CDK14: variants seen among roughly 807,000 people sequenced by gnomAD.
The protein encoded by CDK14 is cyclin-dependent kinase 14.
In CDK14, 34 loss-of-function variants were observed where a neutral mutation model predicts 60.7. That is an observed-to-expected ratio of 0.56 (90% CI 0.43 to 0.75). The LOEUF (loss-of-function observed/expected upper bound fraction) is 0.75. Among genes scored for constraint, CDK14 ranks in the 30% least tolerant of loss-of-function variants. The pLI is 0.00. For synonymous variants in CDK14, 197 were observed against 203.7 expected, an observed-to-expected ratio of 0.97 and a Z score of 0.28; for missense variants, 482 against 564.1, an observed-to-expected ratio of 0.85 and a Z score of 1.47.
intron 6 of CDK14, among the ~76,000 whole-genome samples, chr7:90,867,561 T>G (rs1178086987): frequency 3.3e-5 from 5 of 152,152 alleles, no homozygotes; most frequent in African/African-American, 1.2e-4. Flanking sequence ...TTTCATTACA[T>G]ATTTAATAAT....
chr7:90,969,481 C>T (rs912762732), intron 9 of CDK14, among the ~76,000 whole-genome samples: 1 of 152,066 alleles, frequency 6.6e-6, no homozygotes, highest in African/African-American at 2.4e-5. Context: ...AGATAATTAC[C>T]CATGAATAAA....
At chr7:90,957,336 T>A (rs1435327340) in intron 9 of CDK14, among the ~76,000 whole-genome samples, 1 of 152,146 alleles carries the variant, frequency 6.6e-6, no homozygotes, top group African/African-American at 2.4e-5. Flanking sequence ...ATCTCATTGT[T>A]GGAAGTTCTG....
At position 90,596,686 on chromosome 7, in the gene CDK14, G is replaced by A. The variant is rs778036398; in HGVS notation, c.59G>A (p.Arg20Gln). 6.2e-7 allele frequency: 1 copy of A among 1,612,044 alleles called. No homozygotes were observed. Among genetic ancestry groups the A allele is most frequent in the Non-Finnish European group, 8.5e-7 (1 of 1,179,364 alleles). Residue 20 changes from arginine (R) to glutamine (Q), a missense_variant, in exon 1 of 15, where the codon CGG becomes CAG. Physicochemically the swap from Arg to Gln is conservative, Grantham distance 43. Coordinates refer to ENST00000380050, the MANE Select transcript of CDK14 (RefSeq NM_001287135.2). Reference protein sequence around the residue: ...AEKIGKMKKLRRTLSESFSRI... With the variant: ...AEKIGKMKKLQRTLSESFSRI... ...AAGATCGGCAAGATGAAGAAGTTGC[G>A]GAGAACTTTGTCGGAGAGTTTCAGT...
intron 2 of CDK14, among the ~76,000 whole-genome samples, chr7:90,611,663 C>A (rs1231855363): frequency 6.6e-6 from 1 of 152,142 alleles, no homozygotes; most frequent in Non-Finnish European, 1.5e-5. Flanking sequence ...CTACGACTTG[C>A]CTCCTGCTCC....
chr7:91,185,815 G>C (rs1438956254), intron 14 of CDK14, among the ~76,000 whole-genome samples: 1 of 151,972 alleles, frequency 6.6e-6, no homozygotes, highest in African/African-American at 2.4e-5. Context: ...ACAGAGTTGT[G>C]CAAACATCGC....
At chr7:91,094,883 C>T (rs779637631) in intron 12 of CDK14, among the ~76,000 whole-genome samples, 1 of 152,124 alleles carries the variant, frequency 6.6e-6, no homozygotes, top group Non-Finnish European at 1.5e-5. Context: ...TCATAAACAC[C>T]AATACTGGTG....
intron 11 of CDK14, among the ~76,000 whole-genome samples, chr7:91,068,299 C>T (rs1028791551): frequency 9.2e-5 from 14 of 152,258 alleles, no homozygotes; most frequent in African/African-American, 2.4e-4. Context: ...TGTTTGTAAT[C>T]GGGGCTGATC....
chr7:91,201,935 T>C (rs1216529490), intron 14 of CDK14, among the ~76,000 whole-genome samples: 1 of 152,082 alleles, frequency 6.6e-6, no homozygotes, highest in African/African-American at 2.4e-5. Context: ...TAGGTGTCAA[T>C]GGGGTGCCTG....
chr7:90,931,727 A>T (rs1008838793), intron 8 of CDK14, among the ~76,000 whole-genome samples: 2 of 152,232 alleles, frequency 1.3e-5, no homozygotes, highest in Non-Finnish European at 2.9e-5. Flanking sequence ...AGAGAAATAA[A>T]AGATCAGGAG....
chr7:91,089,969 T>C (rs910632536), intron 12 of CDK14, among the ~76,000 whole-genome samples: 9 of 152,202 alleles, frequency 5.9e-5, no homozygotes, highest in Non-Finnish European at 5.9e-5. Context: ...CAAGTGGGAC[T>C]TTACCTTCCT....
intron 14 of CDK14, among the ~76,000 whole-genome samples, chr7:91,156,298 T>C (rs1800980486): frequency 6.6e-6 from 1 of 152,200 alleles, no homozygotes; most frequent in Admixed American, 6.5e-5. Context: ...CCCCAAAATA[T>C]GTGGTTGGAT....
intron 2 of CDK14, among the ~76,000 whole-genome samples, chr7:90,671,781 T>C (rs997811132): frequency 8.5e-5 from 13 of 152,212 alleles, no homozygotes; most frequent in Admixed American, 8.5e-4. Flanking sequence ...TTATGAAACT[T>C]GCATAACAAA....
chr7:90,642,043 C>T (rs192922143), intron 2 of CDK14, among the ~76,000 whole-genome samples: 1 of 152,314 alleles, frequency 6.6e-6, no homozygotes. Context: ...AGTTATCTCC[C>T]ACTGGCTCCC....
At chr7:90,642,580 A>G (rs1004064571) in intron 2 of CDK14, among the ~76,000 whole-genome samples, 1 of 152,092 alleles carries the variant, frequency 6.6e-6, no homozygotes, top group African/African-American at 2.4e-5. Flanking sequence ...GGGTTTCGCC[A>G]TGTTGGCCAG....
chr7:90,665,529 A>G (rs1446267203), intron 2 of CDK14, among the ~76,000 whole-genome samples: 2 of 152,190 alleles, frequency 1.3e-5, no homozygotes, highest in South Asian at 4.1e-4. Context: ...TTTTAACCTC[A>G]GTTTCAGTCC....
chr7:91,106,912 A>C (rs1274568236), intron 12 of CDK14, among the ~76,000 whole-genome samples: 1 of 152,228 alleles, frequency 6.6e-6, no homozygotes, highest in Non-Finnish European at 1.5e-5. Context: ...TATCAGGCAT[A>C]CAGCATGACT....
At chr7:90,608,898 G>C (rs1373809295) in intron 2 of CDK14, among the ~76,000 whole-genome samples, 1 of 152,140 alleles carries the variant, frequency 6.6e-6, no homozygotes, top group East Asian at 1.9e-4. Context: ...AGGTTAACTT[G>C]CTTACTTTAC....
chr7:90,684,988 A>G (rs1008093800), intron 2 of CDK14, among the ~76,000 whole-genome samples: 26 of 144,890 alleles, frequency 1.8e-4, no homozygotes, highest in African/African-American at 5.8e-4. Flanking sequence ...TTATGCATAG[A>G]TTTTTTTTTT....
chr7:91,002,982 G>A (rs936940211), intron 10 of CDK14, among the ~76,000 whole-genome samples: 4 of 152,114 alleles, frequency 2.6e-5, no homozygotes, highest in African/African-American at 9.7e-5. Context: ...TGAGGCAGGA[G>A]AATGGCATGC....
Sources: gnomAD v4.1 joint callset for allele counts (sites outside exome capture counted in the v4.1 genomes callset) on GRCh38, gnomAD v4.1.1 for gene constraint, MANE v1.5 for transcripts, NCBI Gene and HGNC (gene_info 2026-07-23, HGNC 2026-07-21) for gene names.